Variants in SLC38A8 observed in about 807,000 individuals in gnomAD.
SLC38A8 encodes the protein solute carrier family 38 member 8, also known as amino acid transporter SLC38A8.
Under a neutral mutation model 46.0 loss-of-function variants are expected in SLC38A8, and 65 were observed. The ratio of observed to expected loss-of-function variants is 1.41; its 90% CI spans 1.16 to 1.74. The LOEUF is 1.74. SLC38A8 is among the 40% of genes most tolerant of loss of function. The pLI is 0.00. For synonymous variants in SLC38A8, 447 were observed against 243.7 expected (o/e 1.83, Z -7.77); for missense variants, 998 against 567.9 (o/e 1.76, Z -7.70).
At chr16:84,016,764 C>T (rs80036206) in intron 8 of SLC38A8, 37 bp from the exon 9 acceptor site, 87,681 of 1,590,460 alleles carry the variant, frequency 0.055, 2,728 homozygotes, top group East Asian at 0.13. Flanking sequence ...ATGGGCATCT[C>T]AGGGGCACCA....
intron 7 of SLC38A8, among the ~76,000 whole-genome samples, chr16:84,018,674 T>G (rs1379612704): frequency 6.6e-6 from 1 of 152,138 alleles, no homozygotes; most frequent in Non-Finnish European, 1.5e-5. Context: ...GACAATCACA[T>G]CAGCAGGAGA....
chr16:84,010,515 C>T (rs898885945), intron 10 of SLC38A8, among the ~76,000 whole-genome samples: 3 of 151,774 alleles, frequency 2.0e-5, no homozygotes, highest in African/African-American at 7.3e-5. Context: ...CTGAGGCAGG[C>T]GGATTCACCT....
intron 9 of SLC38A8, among the ~76,000 whole-genome samples, chr16:84,013,639 C>T (rs1348373450): frequency 6.6e-6 from 1 of 151,694 alleles, no homozygotes; most frequent in Non-Finnish European, 1.5e-5. Context: ...CCATGTTGGT[C>T]AGGATGGTCT....
At chr16:84,042,852 GC>G (rs1414289162), upstream of SLC38A8, among the ~76,000 whole-genome samples, 2 of 149,036 alleles carry the variant, frequency 1.3e-5, no homozygotes, top group Non-Finnish European at 3.0e-5. Flanking sequence ...CCTCTCCCCA[GC>G]CCCCTGCAGG....
chr16:84,024,896 G>C (rs1248811165), intron 6 of SLC38A8, among the ~76,000 whole-genome samples: 1 of 152,096 alleles, frequency 6.6e-6, no homozygotes, highest in Non-Finnish European at 1.5e-5. Context: ...GTCCAGGCTG[G>C]TCTCATACTC....
chr16:84,029,559 C>T lies in SLC38A8; in HGVS notation c.633-8G>A, dbSNP rs747636193. The T allele has an allele frequency of 1.2e-6, 2 of 1,613,976 alleles. No homozygotes were observed. The highest frequency in any genetic ancestry group is 8.5e-7 in the Non-Finnish European group (1 of 1,179,914). On this transcript the variant is annotated splice_polypyrimidine_tract_variant and splice_region_variant and intron_variant, in intron 5 of 10. Coordinates refer to ENST00000299709, the MANE Select transcript of SLC38A8 (RefSeq NM_001080442.3). ...GAGGTCCAGGAGGCAGGGCTGTAAACAGACAAGAACAGGAGTTTATTAAAG... is the reference window on the plus strand; with the variant it reads ...GAGGTCCAGGAGGCAGGGCTGTAAATAGACAAGAACAGGAGTTTATTAAAG...
At chr16:84,035,637 T>C (rs1255539858) in intron 3 of SLC38A8, among the ~76,000 whole-genome samples, 1 of 152,216 alleles carries the variant, frequency 6.6e-6, no homozygotes, top group Non-Finnish European at 1.5e-5. Flanking sequence ...CATAGTTAGA[T>C]TCTAAGTCAA....
At chr16:84,013,431 T>TGTTGTTG (rs1156899687) in intron 9 of SLC38A8, among the ~76,000 whole-genome samples, 2 of 122,676 alleles carry the variant, frequency 1.6e-5, no homozygotes, top group African/African-American at 6.8e-5. Flanking sequence ...TGTGTTTTTT[T>TGTTGTTG]TTTTTTTTTT....
At chr16:84,036,633 C>T in intron 3 of SLC38A8, 69 bp downstream of exon 3, 3 of 1,568,388 alleles carry the variant, frequency 1.9e-6, no homozygotes, top group Non-Finnish European at 2.6e-6. Context: ...TCCTGCTCAA[C>T]TGGAAACTCC....
At chr16:84,033,257 G>T in intron 4 of SLC38A8, 71 bp downstream of exon 4, 1 of 1,603,016 alleles carries the variant, frequency 6.2e-7, no homozygotes, top group Non-Finnish European at 8.5e-7. Context: ...TCTGACCCCA[G>T]ATGGACAGAA....
chr16:84,026,942 T>C (rs969937649), intron 6 of SLC38A8, among the ~76,000 whole-genome samples: 4 of 152,184 alleles, frequency 2.6e-5, no homozygotes, highest in African/African-American at 7.2e-5. Flanking sequence ...AGGTTCTCAA[T>C]TGACTGTGGT....
chr16:84,023,177 T>TTACA (rs1215234303), intron 6 of SLC38A8, among the ~76,000 whole-genome samples: 6 of 152,178 alleles, frequency 3.9e-5, no homozygotes, highest in African/African-American at 1.4e-4. Flanking sequence ...CTCTAGCTCA[T>TTACA]TACAAACACC....
chr16:84,010,091 G>C (rs1030442641), intron 10 of SLC38A8, among the ~76,000 whole-genome samples: 2 of 66,092 alleles, frequency 3.0e-5, no homozygotes, highest in African/African-American at 2.7e-4. Flanking sequence ...TTTTTTTTGA[G>C]GTGGAGTCTC....
At chr16:84,022,965 A>G in intron 6 of SLC38A8, 76 bp from the exon 7 acceptor site, 1 of 1,038,886 alleles carries the variant, frequency 9.6e-7, no homozygotes, top group Non-Finnish European at 1.4e-6. Context: ...CTCATATCCA[A>G]AAGGCGGGAA....
At position 84,009,745 on chromosome 16, in the gene SLC38A8, C is replaced by G. The variant is rs772322616; in HGVS notation, c.*39G>C. The G allele has an allele frequency of 1.3e-6, 2 of 1,582,304 alleles. No individual in the cohort carries two copies. The highest frequency in any genetic ancestry group is 1.7e-6 in the Non-Finnish European group (2 of 1,157,846). ...GCATACAGCAGCCACGTAGGGTCAG[C>G]CCCCGGAGGGCCCCTTCCTGCCCGG... On this transcript the variant is annotated 3_prime_UTR_variant, in exon 11 of 11. Transcript: ENST00000299709.
chr16:84,035,857 CCTTCT>C (rs766582953), intron 3 of SLC38A8, among the ~76,000 whole-genome samples: 1 of 152,246 alleles, frequency 6.6e-6, no homozygotes, highest in Non-Finnish European at 1.5e-5. Flanking sequence ...CCTTTAACAT[CCTTCT>C]CTTAGGAATA....
upstream of SLC38A8, among the ~76,000 whole-genome samples, chr16:84,043,343 T>C (rs942639656): frequency 6.6e-6 from 1 of 152,178 alleles, no homozygotes; most frequent in African/African-American, 2.4e-5. Context: ...ATCCGGAATT[T>C]GACTGTTTAT....
At chr16:84,020,991 G>A (rs549566058) in intron 7 of SLC38A8, among the ~76,000 whole-genome samples, 1 of 152,290 alleles carries the variant, frequency 6.6e-6, no homozygotes, top group South Asian at 2.1e-4. Context: ...GCAGCTAAGA[G>A]TAGCCATGCA....
At chr16:84,010,650 G>C (rs1202455294) in intron 10 of SLC38A8, among the ~76,000 whole-genome samples, 1 of 152,168 alleles carries the variant, frequency 6.6e-6, no homozygotes, top group South Asian at 2.1e-4. Context: ...GGGAGGCTGA[G>C]GCAGAATTGC....
Sources: gnomAD v4.1 joint callset for allele counts (sites outside exome capture counted in the v4.1 genomes callset) on GRCh38, gnomAD v4.1.1 for gene constraint, MANE v1.5 for transcripts, NCBI Gene and HGNC (gene_info 2026-07-23, HGNC 2026-07-21) for gene names.